Variants in MTMR12 observed in about 807,000 individuals in gnomAD.
MTMR12 encodes myotubularin-related protein 12.
MTMR12 carries 33 observed loss-of-function variants against 96.7 expected under a neutral mutation model. That is an observed-to-expected ratio of 0.34 (90% CI 0.26 to 0.46). The LOEUF is 0.46. Among genes scored for constraint, MTMR12 ranks in the 20% least tolerant of loss-of-function variants. The pLI is 1.00. For missense variants in MTMR12, 721 were observed against 896.1 expected, an observed-to-expected ratio of 0.80 and a Z score of 2.49; for synonymous variants, 298 against 327.2, an observed-to-expected ratio of 0.91 and a Z score of 0.96.
At position 32,229,247 on chromosome 5, in the gene MTMR12, G is replaced by A. The variant is rs1179086951; in HGVS notation, c.*531C>T. ...ACTTCCCAGGTGTTTTACAGGCAAG[G>A]GGGCGTAGAAAGAAAAAAATGTGAT... On this transcript the variant is annotated 3_prime_UTR_variant, in exon 16 of 16. Coordinates refer to ENST00000382142, the MANE Select transcript of MTMR12 (RefSeq NM_001040446.3). 1 of 152,264 alleles carries A rather than the reference G, an allele frequency of 6.6e-6. No homozygotes were observed. Among genetic ancestry groups the A allele is most frequent in the Admixed American group, 6.5e-5 (1 of 15,270 alleles). The allele number at this position is 152,264 out of a possible 1,614,324, so 9.4% of individuals were successfully genotyped here. A position where few individuals can be genotyped will look rare whatever the true frequency, so the allele number is the denominator to read the frequency against.
chr5:32,298,745 G>A (rs1338613727), intron 1 of MTMR12, among the ~76,000 whole-genome samples: 2 of 151,680 alleles, frequency 1.3e-5, no homozygotes, highest in Non-Finnish European at 2.9e-5. Context: ...TCAGGAGATC[G>A]AGATCATCCT....
intron 7 of MTMR12, among the ~76,000 whole-genome samples, chr5:32,259,694 A>G (rs954950861): frequency 8.5e-5 from 13 of 152,182 alleles, no homozygotes; most frequent in African/African-American, 2.9e-4. Context: ...CAGTGCAATG[A>G]AAACTCACAA....
chr5:32,240,132 G>A (rs544245976), intron 12 of MTMR12, among the ~76,000 whole-genome samples: 1 of 152,274 alleles, frequency 6.6e-6, no homozygotes, highest in South Asian at 2.1e-4. Context: ...CGGGCGCGGT[G>A]GCTCATGCCT....
chr5:32,248,389 T>C (rs530076372), intron 9 of MTMR12, among the ~76,000 whole-genome samples: 109 of 152,204 alleles, frequency 7.2e-4, no homozygotes, highest in Middle Eastern at 3.4e-3. Context: ...TAACTCTGAG[T>C]CTATTCCTTC....
intron 6 of MTMR12, among the ~76,000 whole-genome samples, chr5:32,264,040 C>T (rs1749489238): frequency 6.6e-6 from 1 of 152,160 alleles, no homozygotes; most frequent in South Asian, 2.1e-4. Context: ...TCCTGAAGGC[C>T]ATAAACAGAT....
chr5:32,239,994 G>A (rs1748400318), intron 12 of MTMR12, among the ~76,000 whole-genome samples: 2 of 152,198 alleles, frequency 1.3e-5, no homozygotes, highest in South Asian at 4.1e-4. Flanking sequence ...CTAAAAGTCA[G>A]GGTCTACATC....
chr5:32,306,716 T>C (rs78465108), intron 1 of MTMR12, among the ~76,000 whole-genome samples: 2,576 of 152,320 alleles, frequency 0.017, 79 homozygotes, highest in African/African-American at 0.058. Flanking sequence ...GCAATAACAC[T>C]GTGTCCGTGG....
At chr5:32,292,542 G>A (rs540760897) in intron 1 of MTMR12, among the ~76,000 whole-genome samples, 9 of 152,266 alleles carry the variant, frequency 5.9e-5, no homozygotes, top group Admixed American at 1.3e-4. Flanking sequence ...AGTGTTGGCC[G>A]GGGTGACTGA....
chr5:32,275,848 A>G (rs548026628), intron 2 of MTMR12, among the ~76,000 whole-genome samples: 1 of 152,368 alleles, frequency 6.6e-6, no homozygotes, highest in East Asian at 1.9e-4. Context: ...AAAACATCAA[A>G]AAAAGTTATA....
At chr5:32,231,684 A>T (rs1748002560) in intron 15 of MTMR12, among the ~76,000 whole-genome samples, 1 of 152,220 alleles carries the variant, frequency 6.6e-6, no homozygotes, top group Non-Finnish European at 1.5e-5. Flanking sequence ...AAACAAAACC[A>T]TCCACAAGAC....
intron 1 of MTMR12, among the ~76,000 whole-genome samples, chr5:32,284,486 G>GCAGTAGATAGGCCCAGCACATCC (rs1750443793): frequency 6.6e-6 from 1 of 152,146 alleles, no homozygotes; most frequent in Non-Finnish European, 1.5e-5. Context: ...TTCAGAGAGA[G>GCAGTAGATAGGCCCAGCACATCC]CAGTAGATAG....
At chr5:32,304,933 G>C (rs771731972) in intron 1 of MTMR12, among the ~76,000 whole-genome samples, 2 of 152,190 alleles carry the variant, frequency 1.3e-5, no homozygotes, top group Non-Finnish European at 2.9e-5. Context: ...TAAAGCCACA[G>C]CTAAGAAAGT....
At chr5:32,295,376 C>G (rs1295314869) in intron 1 of MTMR12, among the ~76,000 whole-genome samples, 1 of 152,242 alleles carries the variant, frequency 6.6e-6, no homozygotes, top group Non-Finnish European at 1.5e-5. Context: ...AGGTAACAAA[C>G]CACATACACA....
intron 1 of MTMR12, among the ~76,000 whole-genome samples, chr5:32,305,620 G>A (rs921386837): frequency 6.6e-6 from 1 of 152,080 alleles, no homozygotes; most frequent in South Asian, 2.1e-4. Flanking sequence ...CTGGGATACC[G>A]CGGCCGGGCG....
At chr5:32,310,398 C>T (rs145754353) in intron 1 of MTMR12, among the ~76,000 whole-genome samples, 1 of 152,162 alleles carries the variant, frequency 6.6e-6, no homozygotes, top group African/African-American at 2.4e-5. Flanking sequence ...TTGGAAGCAA[C>T]CAAAGTGTCC....
intron 1 of MTMR12, among the ~76,000 whole-genome samples, chr5:32,281,623 C>A (rs138022675): frequency 1.4e-4 from 22 of 151,958 alleles, no homozygotes; most frequent in Admixed American, 1.3e-4. Context: ...ACATCTGGGC[C>A]GGGCGTGGTG....
Position 32,271,822 on chromosome 5 carries a change from CA to C in MTMR12, c.358+10del. On this transcript the variant is annotated intron_variant, in intron 4 of 15. Transcript: ENST00000382142. ...AGGTTGCCAACACCCCAGGGAAAAA[CA>C]GATACTTACCTCCATAAATCTGATC... 2.0e-6 allele frequency: 3 copies of C among 1,525,106 alleles called. No homozygotes were observed. The highest frequency in any genetic ancestry group is 1.7e-4 in the Middle Eastern group (1 of 5,844). 94.5% of individuals were successfully genotyped at this position (1,525,106 alleles called of 1,614,324 possible).
chr5:32,270,439 T>G (rs1315424317), intron 5 of MTMR12, among the ~76,000 whole-genome samples: 1 of 152,186 alleles, frequency 6.6e-6, no homozygotes, highest in Non-Finnish European at 1.5e-5. Context: ...TCATAGAAGT[T>G]GGAATTCTCC....
At position 32,233,287 on chromosome 5, in the gene MTMR12, C is replaced by T. The variant is rs77761499; in HGVS notation, c.1674+486G>A. Among the ~76,000 whole-genome samples, 1,601 of 151,976 alleles carry T rather than the reference C, an allele frequency of 0.011. 20 individuals are homozygous for T. The highest frequency in any genetic ancestry group is 0.034 in the African/African-American group (1,413 of 41,422). ...GCAGACTAAGGCTTCTTTTGTACTA[C>T]AACAGTAGAGGGGTAGTTGTGACAG... On this transcript the variant is annotated intron_variant, in intron 15 of 15. Transcript: ENST00000382142. The surrounding 1 kb of genome is among the most constrained non-coding windows in gnomAD (Gnocchi z 5.0).
Sources: allele counts gnomAD v4.1 joint callset (sites outside exome capture counted in the v4.1 genomes callset), GRCh38; gene constraint gnomAD v4.1.1; non-coding constraint Gnocchi (gnomAD v3.1); transcripts MANE v1.5; gene names NCBI Gene and HGNC (gene_info 2026-07-23, HGNC 2026-07-21).